Variants in EXOC6 observed in about 807,000 individuals in gnomAD.
EXOC6 encodes exocyst complex component 6, also known as SEC15-like 1.
A neutral mutation model predicts 112.5 loss-of-function variants in EXOC6; 60 were observed. That is an observed-to-expected ratio of 0.53 (90% CI 0.43 to 0.66). The LOEUF is 0.66. Among genes scored for constraint, EXOC6 ranks in the 30% least tolerant of loss-of-function variants. The probability of loss-of-function intolerance (pLI) is 0.00; values close to 1 mark genes in which losing one functional copy is unlikely to be tolerated. For synonymous variants in EXOC6, 295 were observed against 308.0 expected (o/e 0.96, Z 0.44); for missense variants, 855 against 957.1 (o/e 0.89, Z 1.41).
chr10:92,858,022 T>TTCCCC (rs1554882161), intron 1 of EXOC6, among the ~76,000 whole-genome samples: 27 of 101,302 alleles, frequency 2.7e-4, no homozygotes, highest in East Asian at 1.1e-3. Context: ...GTTGACGGGT[T>TTCCCC]CCCCCCCTCC....
chr10:92,940,675 T>A, intron 12 of EXOC6, 52 bp from the exon 13 acceptor site: 1 of 1,203,258 alleles, frequency 8.3e-7, no homozygotes, highest in African/African-American at 1.5e-5. Flanking sequence ...ACATTTTTAA[T>A]GAATATTTTT....
chr10:93,006,816 A>C (rs531810516), intron 19 of EXOC6, among the ~76,000 whole-genome samples: 42 of 152,236 alleles, frequency 2.8e-4, no homozygotes, highest in Non-Finnish European at 5.3e-4. Context: ...GAATATTGGC[A>C]TTCATATTCA....
intron 18 of EXOC6, among the ~76,000 whole-genome samples, chr10:92,975,684 C>G (rs1236845973): frequency 7.8e-6 from 1 of 127,828 alleles, no homozygotes; most frequent in Non-Finnish European, 1.7e-5. Flanking sequence ...CCCGGCAGCC[C>G]CTACTGGGAA....
intron 11 of EXOC6, among the ~76,000 whole-genome samples, chr10:92,934,930 A>ATCTTCCTAATGCCTTTTCTGGAAATAAT (rs1852265001): frequency 6.6e-6 from 1 of 152,082 alleles, no homozygotes; most frequent in Non-Finnish European, 1.5e-5. Flanking sequence ...ATGATCAGCT[A>ATCTTCCTAATGCCTTTTCTGGAAATAAT]TCTTCCTAAT....
intron 14 of EXOC6, among the ~76,000 whole-genome samples, chr10:92,951,804 G>A (rs1853433636): frequency 6.6e-6 from 1 of 152,132 alleles, no homozygotes; most frequent in Admixed American, 6.5e-5. Flanking sequence ...TAGGAGTTAC[G>A]GAATAAACTC....
chr10:93,015,504 C>T (rs1329124767), intron 20 of EXOC6, among the ~76,000 whole-genome samples: 1 of 152,104 alleles, frequency 6.6e-6, no homozygotes, highest in East Asian at 1.9e-4. Context: ...GAGGCCGAGG[C>T]GGATGGATCA....
chr10:93,000,369 A>G (rs957023236), intron 19 of EXOC6, among the ~76,000 whole-genome samples: 2 of 152,134 alleles, frequency 1.3e-5, no homozygotes, highest in African/African-American at 2.4e-5. Context: ...TTGCCTCACT[A>G]TCCTGCCATA....
chr10:92,884,247 A>G (rs1206035529), intron 1 of EXOC6, among the ~76,000 whole-genome samples: 1 of 152,218 alleles, frequency 6.6e-6, no homozygotes, highest in Non-Finnish European at 1.5e-5. Context: ...TGACACCAAA[A>G]GGTGTCAGTT....
At chr10:92,904,339 A>G (rs755239772) in intron 5 of EXOC6, among the ~76,000 whole-genome samples, 2 of 152,110 alleles carry the variant, frequency 1.3e-5, no homozygotes, top group Non-Finnish European at 2.9e-5. Context: ...GCTGGATCAT[A>G]TGGTAAGACT....
At chr10:92,862,340 C>T (rs1037948880) in intron 1 of EXOC6, among the ~76,000 whole-genome samples, 1 of 151,916 alleles carries the variant, frequency 6.6e-6, no homozygotes, top group East Asian at 1.9e-4. Flanking sequence ...GCCCCCCCCC[C>T]ATAATTCATA....
At chr10:92,827,052 A>G (rs1016697553) in intron 1 of EXOC6, among the ~76,000 whole-genome samples, 3 of 152,208 alleles carry the variant, frequency 2.0e-5, no homozygotes, top group African/African-American at 7.2e-5. Flanking sequence ...ATTCATAACG[A>G]TATTATTTGA....
chr10:92,988,264 T>C (rs1177881649), intron 18 of EXOC6, among the ~76,000 whole-genome samples: 2 of 152,230 alleles, frequency 1.3e-5, no homozygotes, highest in African/African-American at 4.8e-5. Flanking sequence ...TTGCTTTTTT[T>C]CCGTATTTGT....
At chr10:93,051,484 A>C (rs1846289955) in intron 20 of EXOC6, among the ~76,000 whole-genome samples, 1 of 152,190 alleles carries the variant, frequency 6.6e-6, no homozygotes, top group Admixed American at 6.5e-5. Context: ...AGGTGGCTGG[A>C]GGCACAATAC....
chr10:92,921,412 T>G (rs1027055615), intron 8 of EXOC6, among the ~76,000 whole-genome samples: 14 of 151,634 alleles, frequency 9.2e-5, no homozygotes, highest in Non-Finnish European at 1.8e-4. Flanking sequence ...GGCCAGCTAA[T>G]TTTTTGTATT....
intron 11 of EXOC6, among the ~76,000 whole-genome samples, chr10:92,935,327 T>C (rs938431622): frequency 3.9e-5 from 6 of 152,138 alleles, no homozygotes; most frequent in African/African-American, 1.4e-4. Flanking sequence ...TGAAGTCATA[T>C]TAAATACAGC....
At chr10:92,904,328 T>G (rs1488377448) in intron 5 of EXOC6, among the ~76,000 whole-genome samples, 1 of 152,098 alleles carries the variant, frequency 6.6e-6, no homozygotes. Flanking sequence ...GGGATGTGAT[T>G]GCTGGATCAT....
At chr10:92,968,259 A>T (rs1036070385) in intron 17 of EXOC6, among the ~76,000 whole-genome samples, 1 of 147,012 alleles carries the variant, frequency 6.8e-6, no homozygotes, top group Non-Finnish European at 1.5e-5. Context: ...ATCGTAGCTT[A>T]CTGCAGCCTC....
chr10:93,007,604 G>A (rs1191247935), intron 19 of EXOC6, among the ~76,000 whole-genome samples: 1 of 151,690 alleles, frequency 6.6e-6, no homozygotes, highest in Non-Finnish European at 1.5e-5. Context: ...AGTGAGCCGA[G>A]ATCACACCAC....
At chr10:92,843,580 T>A (rs1397850729), upstream of EXOC6, among the ~76,000 whole-genome samples, 1 of 152,350 alleles carries the variant, frequency 6.6e-6, no homozygotes, top group East Asian at 1.9e-4. Flanking sequence ...CCGGGCGCGG[T>A]GGCTCACGCC....
Sources: allele counts gnomAD v4.1 joint callset (sites outside exome capture counted in the v4.1 genomes callset), GRCh38; gene constraint gnomAD v4.1.1; transcripts MANE v1.5; gene names NCBI Gene and HGNC (gene_info 2026-07-23, HGNC 2026-07-21).